The following TMEM132C variants were observed in gnomAD, a reference collection of about 807,000 sequenced individuals.
TMEM132C encodes the protein transmembrane protein 132C.
In TMEM132C, 29 loss-of-function variants were observed where a neutral mutation model predicts 61.4. The observed-to-expected ratio is 0.47, with a 90% CI of 0.35 to 0.64. TMEM132C has a LOEUF of 0.64. Ranked by LOEUF, TMEM132C falls within the 30% of genes least tolerant of loss-of-function variation. The pLI, the probability that TMEM132C is intolerant of heterozygous loss-of-function variation, is 0.00. For missense variants in TMEM132C, 1,408 were observed against 1,476.9 expected, an observed-to-expected ratio of 0.95 and a Z score of 0.76; for synonymous variants, 656 against 633.1, an observed-to-expected ratio of 1.04 and a Z score of -0.54.
At chr12:128,575,728 C>T (rs1342491903) in intron 3 of TMEM132C, among the ~76,000 whole-genome samples, 1 of 152,156 alleles carries the variant, frequency 6.6e-6, no homozygotes, top group Non-Finnish European at 1.5e-5. Flanking sequence ...CCATTGCTAT[C>T]ATTTATTTAA....
chr12:128,294,575 A>T (rs1709699), intron 1 of TMEM132C, among the ~76,000 whole-genome samples: 34,736 of 152,116 alleles, frequency 0.23, 4,471 homozygotes, highest in East Asian at 0.5. Flanking sequence ...ACTGGGAAGC[A>T]TCTAAACAAC....
chr12:128,322,182 G>C (rs114507525), intron 1 of TMEM132C, among the ~76,000 whole-genome samples: 2,023 of 152,332 alleles, frequency 0.013, 47 homozygotes, highest in African/African-American at 0.046. Flanking sequence ...TGGGTTGCTT[G>C]CCCTTGGAAC....
At chr12:128,543,396 C>G (rs752742044) in intron 2 of TMEM132C, among the ~76,000 whole-genome samples, 11 of 152,086 alleles carry the variant, frequency 7.2e-5, no homozygotes, top group African/African-American at 2.7e-4. Context: ...AAATTTGCAC[C>G]GCTAGGAAGT....
At chr12:128,572,228 C>T (rs1382604988) in intron 3 of TMEM132C, among the ~76,000 whole-genome samples, 1 of 151,126 alleles carries the variant, frequency 6.6e-6, no homozygotes, top group Non-Finnish European at 1.5e-5. Context: ...TTGGCCAGGC[C>T]TGGGTCACAG....
rs915382490 is a variant in TMEM132C at position 128,427,000 on chromosome 12, A to T, written c.974+11380A>T. Among the ~76,000 whole-genome samples, 9 of 152,178 alleles carry T rather than the reference A, an allele frequency of 5.9e-5. No individual in the cohort carries two copies. In the East Asian group the frequency reaches 1.7e-3, roughly 29 times the overall value. On this transcript the variant is annotated intron_variant, in intron 2 of 8. Coordinates refer to ENST00000435159, the MANE Select transcript of TMEM132C (RefSeq NM_001136103.3). ...ACATATAGTCCCTTTCTATCTAAAA[A>T]TTTGTGTGGAGGAGAGGCAGGATAA...
chr12:128,482,216 A>C (rs1871334882), intron 2 of TMEM132C, among the ~76,000 whole-genome samples: 1 of 152,136 alleles, frequency 6.6e-6, no homozygotes, highest in Admixed American at 6.5e-5. Flanking sequence ...GCATATGTTG[A>C]ACCAGCCTTG....
At chr12:128,557,007 G>A (rs1874354279) in intron 3 of TMEM132C, among the ~76,000 whole-genome samples, 1 of 152,192 alleles carries the variant, frequency 6.6e-6, no homozygotes, top group Non-Finnish European at 1.5e-5. Context: ...GTGAAAAACA[G>A]GGGAACTCCT....
At chr12:128,339,177 A>G (rs1593016438) in intron 1 of TMEM132C, among the ~76,000 whole-genome samples, 1 of 151,978 alleles carries the variant, frequency 6.6e-6, no homozygotes, top group South Asian at 2.1e-4. Flanking sequence ...GTCAGCCCCC[A>G]CTGCCAGCAT....
intron 2 of TMEM132C, among the ~76,000 whole-genome samples, chr12:128,487,327 A>G (rs527876681): frequency 6.6e-6 from 1 of 152,126 alleles, no homozygotes; most frequent in African/African-American, 2.4e-5. Flanking sequence ...CAACTTCACT[A>G]TGTTGTTCTA....
At chr12:128,517,717 C>T (rs1367582272) in intron 2 of TMEM132C, among the ~76,000 whole-genome samples, 1 of 152,020 alleles carries the variant, frequency 6.6e-6, no homozygotes, top group Non-Finnish European at 1.5e-5. Flanking sequence ...ACATTGCAGA[C>T]GTTGTTATTG....
chr12:128,339,276 T>C (rs1239710203), intron 1 of TMEM132C, among the ~76,000 whole-genome samples: 1 of 151,934 alleles, frequency 6.6e-6, no homozygotes, highest in South Asian at 2.1e-4. Flanking sequence ...AGGGCTTTTT[T>C]TTTTAAGTTC....
At chr12:128,542,709 A>T (rs1291339910) in intron 2 of TMEM132C, among the ~76,000 whole-genome samples, 1 of 133,386 alleles carries the variant, frequency 7.5e-6, no homozygotes, top group African/African-American at 2.6e-5. Flanking sequence ...AAATACAAAA[A>T]AAGTAGCCGG....
chr12:128,665,844 G>GTC (rs1566008565), intron 4 of TMEM132C, among the ~76,000 whole-genome samples: 1 of 41,266 alleles, frequency 2.4e-5, no homozygotes, highest in Non-Finnish European at 4.6e-5. Context: ...CACAAACACA[G>GTC]GCACACACAC....
chr12:128,604,660 C>T, intron 3 of TMEM132C, among the ~76,000 whole-genome samples: 1 of 149,996 alleles, frequency 6.7e-6, no homozygotes, highest in African/African-American at 2.5e-5. Context: ...ACAGATGAAA[C>T]AAATGGATAG....
chr12:128,523,127 A>G lies in TMEM132C; in HGVS notation c.975-20830A>G, dbSNP rs900435003. ...ATTACAACATGGATGAACCCTGCGA[A>G]CACCGTGCTAAGTGAAATAAGACAG... On this transcript the variant is annotated intron_variant, in intron 2 of 8. Transcript: ENST00000435159. Among the ~76,000 whole-genome samples the G allele has an allele frequency of 5.9e-5, 9 of 152,226 alleles. 1 individual carries two copies. Among genetic ancestry groups the G allele is most frequent in the African/African-American group, 2.2e-4 (9 of 41,462 alleles).
intron 2 of TMEM132C, among the ~76,000 whole-genome samples, chr12:128,416,944 G>T (rs1405222402): frequency 1.3e-5 from 2 of 152,166 alleles, no homozygotes. Context: ...CATTTGCATT[G>T]TGAACCTTGG....
At chr12:128,445,946 G>C (rs1266834169) in intron 2 of TMEM132C, among the ~76,000 whole-genome samples, 1 of 152,152 alleles carries the variant, frequency 6.6e-6, no homozygotes, top group Non-Finnish European at 1.5e-5. Context: ...TAATGAACGT[G>C]AGATACTTAA....
intron 1 of TMEM132C, among the ~76,000 whole-genome samples, chr12:128,273,724 G>C (rs1413428898): frequency 1.3e-5 from 2 of 151,782 alleles, no homozygotes; most frequent in African/African-American, 4.8e-5. Flanking sequence ...TTGCTCTATG[G>C]CTTACAAAAT....
chr12:128,581,623 T>G (rs1283608507), intron 3 of TMEM132C, among the ~76,000 whole-genome samples: 1 of 152,226 alleles, frequency 6.6e-6, no homozygotes, highest in Non-Finnish European at 1.5e-5. Flanking sequence ...TAGACACATT[T>G]GAGACCCAGC....
Sources: gnomAD v4.1 joint callset for allele counts (sites outside exome capture counted in the v4.1 genomes callset) on GRCh38, gnomAD v4.1.1 for gene constraint, MANE v1.5 for transcripts, NCBI Gene and HGNC (gene_info 2026-07-23, HGNC 2026-07-21) for gene names.